TSC1: variants seen among roughly 807,000 people sequenced by gnomAD.
TSC1 encodes hamartin.
A neutral mutation model predicts 124.3 loss-of-function variants in TSC1; 20 were observed. That is an observed-to-expected ratio of 0.16 (90% CI 0.11 to 0.23). The LOEUF is 0.23. TSC1 is among the 10% of genes least tolerant of loss of function. TSC1 has a pLI of 1.00. For synonymous variants in TSC1, 493 were observed against 539.1 expected (o/e 0.91, Z 1.19); for missense variants, 1,124 against 1,448.5 (o/e 0.78, Z 3.64).
chr9:132,901,793 C>T (rs896475905), intron 18 of TSC1, 94 bp from the exon 19 acceptor site: 6 of 1,096,064 alleles, frequency 5.5e-6, no homozygotes, highest in Non-Finnish European at 8.2e-6. Context: ...ACTGGGAATG[C>T]CTTAGCTCAA....
At chr9:132,915,278 G>A (rs1302217441) in intron 8 of TSC1, among the ~76,000 whole-genome samples, 1 of 152,016 alleles carries the variant, frequency 6.6e-6, no homozygotes, top group Non-Finnish European at 1.5e-5. Context: ...CCAGGAGTTC[G>A]AGATCAGCTT....
rs1303316734 is a variant in TSC1, at chr9:132,923,124, T to C, written c.508+224A>G. Among the ~76,000 whole-genome samples the C allele has an allele frequency of 6.6e-6, 1 of 152,232 alleles. No individual in the cohort carries two copies. Among genetic ancestry groups the C allele is most frequent in the African/African-American group, 2.4e-5 (1 of 41,454 alleles). ...CCTACCACTCAATTTCTCTGACGACTAATCCTTTTAAGCCAAGAAAATAAA... is the reference window on the plus strand; with the variant it reads ...CCTACCACTCAATTTCTCTGACGACCAATCCTTTTAAGCCAAGAAAATAAA... On this transcript the variant is annotated intron_variant, in intron 6 of 22. Transcript: ENST00000298552. The surrounding 1 kb of genome is among the most constrained non-coding windows in gnomAD (Gnocchi z 4.2).
rs1844990800 is a variant in TSC1, at chr9:132,895,606, G to C, written c.*629C>G. 2 of 234,910 alleles carry C rather than the reference G, an allele frequency of 8.5e-6. No individual in the cohort carries two copies. Among genetic ancestry groups the C allele is most frequent in the Non-Finnish European group, 1.7e-5 (2 of 119,234 alleles). The allele number at this position is 234,910 out of a possible 1,614,324, so 14.6% of individuals were successfully genotyped here. ...TCTGAAACAGGCTTCTGTTTACACA[G>C]AACTTTCTAGGAAGCTTATCAGAAC... is the stretch of plus-strand genomic sequence containing the variant. On this transcript the variant is annotated 3_prime_UTR_variant, in exon 23 of 23. Coordinates refer to ENST00000298552, the MANE Select transcript of TSC1 (RefSeq NM_000368.5).
chr9:132,910,501 T>C, intron 12 of TSC1, 70 bp downstream of exon 12: 1 of 1,612,950 alleles, frequency 6.2e-7, no homozygotes, highest in Non-Finnish European at 8.5e-7. Context: ...ATAATTAGGC[T>C]TCTCAAAGTG....
Position 132,910,783 on chromosome 9 carries a change from A to G in TSC1, c.1142-91T>C. 1.9e-6 allele frequency: 3 copies of G among 1,578,828 alleles called. No individual in the cohort carries two copies. In the South Asian group the frequency reaches 3.3e-5, roughly 18 times the overall value. The stretch of plus-strand genomic sequence containing the variant: ...TTTCAGCCTATAACTATTACTATAA[A>G]TAAAGCTGCTAGAGTTAACTTTCTG... On this transcript the variant is annotated intron_variant, in intron 11 of 22. Coordinates refer to ENST00000298552, the MANE Select transcript of TSC1 (RefSeq NM_000368.5).
At position 132,894,262 on chromosome 9, in the gene TSC1, A is replaced by G. The variant is rs1844912924; in HGVS notation, c.*1973T>C. ...GCACTTGGGCCTCTTTTCCTTTCCA[A>G]TTCAGGAAAAGGCTTTAAGTGCCTG... On this transcript the variant is annotated 3_prime_UTR_variant, in exon 23 of 23. Transcript: ENST00000298552. The G allele has an allele frequency of 4.3e-6, 1 of 231,490 alleles. No individual in the cohort carries two copies. The highest frequency in any genetic ancestry group is 8.6e-6 in the Non-Finnish European group (1 of 116,906). 14.3% of individuals were successfully genotyped at this position (231,490 alleles called of 1,614,324 possible).
Position 132,896,858 on chromosome 9 carries a change from G to A in TSC1, c.2976-104C>T, listed in dbSNP as rs961534301. The A allele has an allele frequency of 6.5e-6, 10 of 1,538,558 alleles. No individual in the cohort carries two copies. Among genetic ancestry groups the A allele is most frequent in the Admixed American group, 1.7e-5 (1 of 59,412 alleles). ...CTCACTCACACTGACACTGAACTCC[G>A]CTAGCCCACTCTCTGTTTTATAATA... is the stretch of plus-strand genomic sequence containing the variant. On this transcript the variant is annotated intron_variant, in intron 22 of 22. Coordinates refer to ENST00000298552, the MANE Select transcript of TSC1 (RefSeq NM_000368.5). This position sits in a 1 kb window ranked among gnomAD's most constrained non-coding sequence, Gnocchi z 4.5.
rs755195460 is a variant in TSC1 at position 132,912,324 on chromosome 9, C to T, written c.871G>A (p.Asp291Asn). ...TCAGCATAAGGGCTGGTGGTGACAT[C>T]GGCTGAACGATGAGGAAAGCGGGCT... ...ISARFPHRSA[D>N]VTTSPYADTQ... The change falls in exon 9 of 23, where the codon GAT (aspartate) becomes AAT (asparagine). Residue 291 changes from aspartate (D) to asparagine (N), a missense_variant. By Grantham distance (23) the Asp-to-Asn change is conservative. This residue lies in a region of TSC1 where 463 missense variants were observed against 606.8 expected (regional missense o/e 0.76). Transcript: ENST00000298552. 1.5e-5 allele frequency: 24 copies of T among 1,614,070 alleles called. No homozygotes were observed. Among genetic ancestry groups the T allele is most frequent in the African/African-American group, 2.7e-5 (2 of 74,918 alleles).
At chr9:132,943,409 A>C (rs1223464068) in intron 1 of TSC1, 2 of 152,224 alleles carry the variant, frequency 1.3e-5, no homozygotes, top group Non-Finnish European at 2.9e-5. Flanking sequence ...CCCCCACTTC[A>C]ACATTAAACA....
intron 2 of TSC1, among the ~76,000 whole-genome samples, chr9:132,932,301 C>T (rs986792671): frequency 2.6e-5 from 4 of 152,178 alleles, no homozygotes; most frequent in African/African-American, 9.7e-5. Flanking sequence ...TACCATCAGT[C>T]TAAAGCAAAC....
chr9:132,910,803 T>C (rs986696082), intron 11 of TSC1, 111 bp from the exon 12 acceptor site: 24 of 1,514,002 alleles, frequency 1.6e-5, no homozygotes, highest in Non-Finnish European at 2.2e-5. Context: ...TAGAGTTAAC[T>C]TTCTGGGGAT....
chr9:132,942,455 T>C (rs1053661935), intron 1 of TSC1: 6 of 152,200 alleles, frequency 3.9e-5, no homozygotes, highest in Non-Finnish European at 7.3e-5. Context: ...GAGGTATATA[T>C]TAGATTTGCC....
rs141008354 is a variant in TSC1 at position 132,896,989 on chromosome 9, G to C, written c.2975+195C>G. ...CTGTGGCCATATGGAGGGACTCAAG[G>C]CCAGGAACACGAACACGAAGAGATC... On this transcript the variant is annotated intron_variant, in intron 22 of 22. Transcript: ENST00000298552. The surrounding 1 kb of genome is among the most constrained non-coding windows in gnomAD (Gnocchi z 4.5). Among the ~76,000 whole-genome samples the C allele has an allele frequency of 6.6e-6, 1 of 152,180 alleles. No homozygotes were observed. Among genetic ancestry groups the C allele is most frequent in the Non-Finnish European group, 1.5e-5 (1 of 68,040 alleles).
intron 1 of TSC1, among the ~76,000 whole-genome samples, chr9:132,937,634 T>A (rs1037116366): frequency 4.6e-5 from 7 of 152,178 alleles, no homozygotes; most frequent in Middle Eastern, 3.2e-3. Flanking sequence ...TCCTGTAGAC[T>A]GCCCAGCCAC....
Position 132,905,803 on chromosome 9 carries a change from G to A in TSC1, c.1775C>T (p.Thr592Met), listed in dbSNP as rs775869914. Residue 592 changes from threonine to methionine, a missense_variant, in exon 15 of 23, where the codon ACG (threonine) becomes ATG (methionine). Transcript: ENST00000298552. ...TPSPCKIPPP[T>M]RVGFGSGQPP... The stretch of plus-strand genomic sequence containing the variant: ...CTGCCCGCTTCCAAAGCCCACTCTC[G>A]TCGGAGGTGGAATTTTACAAGGACT... 24 of 1,614,044 alleles carry A rather than the reference G, an allele frequency of 1.5e-5. No homozygotes were observed. In the Admixed American group the frequency reaches 1.7e-4, roughly 11 times the overall value.
rs896054185 is a variant in TSC1 at position 132,894,939 on chromosome 9, T to C, written c.*1296A>G. Reference sequence around the variant, plus strand: ...TTTCTTTCAGGAGCACTTGTTGAGTTTGGATTCTCTGCCACTGCCAATTTT... The same window carrying C: ...TTTCTTTCAGGAGCACTTGTTGAGTCTGGATTCTCTGCCACTGCCAATTTT... On this transcript the variant is annotated 3_prime_UTR_variant, in exon 23 of 23. Coordinates refer to ENST00000298552, the MANE Select transcript of TSC1 (RefSeq NM_000368.5). The C allele has an allele frequency of 4.3e-6, 1 of 231,902 alleles. No homozygotes were observed. Among genetic ancestry groups the C allele is most frequent in the South Asian group, 1.8e-4 (1 of 5,512 alleles). 14.4% of individuals were successfully genotyped at this position (231,902 alleles called of 1,614,324 possible). A position where few individuals can be genotyped will look rare whatever the true frequency, so the allele number is the denominator to read the frequency against.
rs761394153 is a variant in TSC1 at position 132,925,554 on chromosome 9, A to G, written c.363+33T>C. ...AAATTTCAGAAACTATACTCATAAA[A>G]CCATTTCATTCAAATCCTTACAAAC... On this transcript the variant is annotated intron_variant, in intron 5 of 22. Transcript: ENST00000298552. 5.0e-6 allele frequency: 8 copies of G among 1,613,876 alleles called. No homozygotes were observed. The South Asian group carries it at 7.7e-5, about 16-fold the overall frequency.
Position 132,897,598 on chromosome 9 carries a change from T to C in TSC1, c.2638A>G (p.Met880Val). ...HSDTTKEVEM[M>V]KAAYRKELEK... The stretch of plus-strand genomic sequence containing the variant: ...AGCTCTTTCCGATAGGCGGCTTTCA[T>C]CATTTCTACTTCCTGAAAAAAAAAA... The change falls in exon 21 of 23, where the codon ATG (methionine) becomes GTG (valine). Residue 880 changes from methionine to valine, a missense_variant. Coordinates refer to ENST00000298552, the MANE Select transcript of TSC1 (RefSeq NM_000368.5). The C allele has an allele frequency of 1.3e-6, 2 of 1,484,750 alleles. No individual in the cohort carries two copies. The allele number at this position is 1,484,750 out of a possible 1,614,324, so 92.0% of individuals were successfully genotyped here.
In TSC1 at chr9:132,905,635, A is replaced by G. The variant is rs771341361; in HGVS notation, c.1943T>C (p.Val648Ala). Residue 648 changes from valine (V) to alanine (A), a missense_variant, in exon 15 of 23, where the codon GTG (valine) becomes GCG (alanine). Transcript: ENST00000298552. ...DGVPSTSPME[V>A]LDRLIQQGAD... The stretch of plus-strand genomic sequence containing the variant: ...TCCCTGCTGTATCAGTCTGTCCAGC[A>G]CTTCCATTGGGGAGGTAGAGGGCAC... 5.0e-6 allele frequency: 8 copies of G among 1,614,082 alleles called. No homozygotes were observed. Among genetic ancestry groups the G allele is most frequent in the Admixed American group, 1.7e-5 (1 of 60,000 alleles).
Sources: allele counts gnomAD v4.1 joint callset (sites outside exome capture counted in the v4.1 genomes callset), GRCh38; gene constraint gnomAD v4.1.1; regional missense constraint gnomAD v4.1.1; non-coding constraint Gnocchi (gnomAD v3.1); transcripts MANE v1.5; gene names NCBI Gene and HGNC (gene_info 2026-07-23, HGNC 2026-07-21).